The following ADRA1A variants were observed in gnomAD, a reference collection of about 807,000 sequenced individuals.
The protein encoded by ADRA1A is alpha-1A adrenergic receptor.
A neutral mutation model predicts 29.6 loss-of-function variants in ADRA1A; 31 were observed. The observed-to-expected ratio is 1.05, with a 90% CI of 0.79 to 1.41. The LOEUF (loss-of-function observed/expected upper bound fraction) is 1.41. Among genes scored for constraint, ADRA1A ranks in the 40% most tolerant of loss-of-function variants. The pLI, the probability that ADRA1A is intolerant of heterozygous loss-of-function variation, is 0.00. For synonymous variants in ADRA1A, 311 were observed against 254.3 expected (o/e 1.22, Z -2.12); for missense variants, 619 against 601.1 (o/e 1.03, Z -0.31).
At position 26,825,441 on chromosome 8, in the gene ADRA1A, T is replaced by C. The variant is rs574869459; in HGVS notation, c.883+38646A>G. Among the ~76,000 whole-genome samples, 23 of 152,312 alleles carry C rather than the reference T, an allele frequency of 1.5e-4. No homozygotes were observed. In the East Asian group the frequency reaches 4.4e-3, roughly 29 times the overall value. On this transcript the variant is annotated intron_variant, in intron 2 of 2. Coordinates refer to ENST00000380573, the MANE Select transcript of ADRA1A (RefSeq NM_000680.4). This position sits in a 1 kb window ranked among gnomAD's most constrained non-coding sequence, Gnocchi z 5.7. ...GTTTCTTTGTTTTCTAATTCCGCCCTACTTCGTTTCCTATAAGGGGACCAG... is the reference window on the plus strand; with the variant it reads ...GTTTCTTTGTTTTCTAATTCCGCCCCACTTCGTTTCCTATAAGGGGACCAG...
chr8:26,808,255 T>C (rs1167357027), intron 2 of ADRA1A, among the ~76,000 whole-genome samples: 2 of 152,234 alleles, frequency 1.3e-5, no homozygotes, highest in African/African-American at 4.8e-5. Flanking sequence ...TACATATTGC[T>C]TTTTCCACTT....
intron 2 of ADRA1A, among the ~76,000 whole-genome samples, chr8:26,818,714 A>G (rs1809940664): frequency 6.6e-6 from 1 of 152,184 alleles, no homozygotes; most frequent in Admixed American, 6.5e-5. Context: ...CAGAGCGTCA[A>G]CAGCAGACTT....
At chr8:26,801,292 G>A (rs1409850087) in intron 2 of ADRA1A, among the ~76,000 whole-genome samples, 3 of 152,060 alleles carry the variant, frequency 2.0e-5, no homozygotes, top group Non-Finnish European at 4.4e-5. Flanking sequence ...TCAGACAAGA[G>A]AAAGAAAGTA....
chr8:26,865,095 G>A lies in ADRA1A; in HGVS notation c.-126C>T. 1 of 1,497,210 alleles carries A rather than the reference G, an allele frequency of 6.7e-7. No homozygotes were observed. 92.7% of individuals were successfully genotyped at this position (1,497,210 alleles called of 1,614,324 possible). A position where few individuals can be genotyped will look rare whatever the true frequency, so the allele number is the denominator to read the frequency against. Reference sequence around the variant, plus strand: ...GGAGGGAGCCCTGCCAGGTGGGTTTGGCTGGGGGTGAGAGCGCGCGCGCGG... The same window carrying A: ...GGAGGGAGCCCTGCCAGGTGGGTTTAGCTGGGGGTGAGAGCGCGCGCGCGG... On this transcript the variant is annotated 5_prime_UTR_variant, in exon 2 of 3. An upstream open reading frame in the 5' UTR gains an earlier in-frame stop. Transcript: ENST00000380573. This position sits in a 1 kb window ranked among gnomAD's most constrained non-coding sequence, Gnocchi z 7.6.
intron 2 of ADRA1A, among the ~76,000 whole-genome samples, chr8:26,855,626 G>A (rs971762073): frequency 6.6e-6 from 1 of 152,164 alleles, no homozygotes; most frequent in African/African-American, 2.4e-5. Flanking sequence ...AATACCTAAT[G>A]CATGCCAGGC....
At chr8:26,857,602 G>A (rs185913391) in intron 2 of ADRA1A, among the ~76,000 whole-genome samples, 62 of 152,238 alleles carry the variant, frequency 4.1e-4, no homozygotes, top group Non-Finnish European at 6.0e-4. Flanking sequence ...GTTCGAGGCC[G>A]CAGTGAGCTA....
chr8:26,822,518 T>C (rs949150064), intron 2 of ADRA1A, among the ~76,000 whole-genome samples: 2 of 152,202 alleles, frequency 1.3e-5, no homozygotes, highest in African/African-American at 4.8e-5. Context: ...ATTTACATTC[T>C]TACAAAATGA....
intron 2 of ADRA1A, among the ~76,000 whole-genome samples, chr8:26,781,055 C>A (rs1806944837): frequency 6.6e-6 from 1 of 152,178 alleles, no homozygotes; most frequent in African/African-American, 2.4e-5. Context: ...ATCCTGAAAC[C>A]ATCCTCCCAT....
intron 2 of ADRA1A, among the ~76,000 whole-genome samples, chr8:26,811,204 T>C (rs1246491388): frequency 3.9e-5 from 6 of 152,008 alleles, no homozygotes; most frequent in Non-Finnish European, 5.9e-5. Context: ...TCTTTTTTTT[T>C]TTTGTTGAGA....
At chr8:26,784,808 G>A (rs1322037845) in intron 2 of ADRA1A, among the ~76,000 whole-genome samples, 3 of 152,158 alleles carry the variant, frequency 2.0e-5, no homozygotes, top group Non-Finnish European at 4.4e-5. Context: ...CCAACCAGGA[G>A]GCTAGCATAT....
chr8:26,794,684 C>A (rs1240551282), intron 2 of ADRA1A, among the ~76,000 whole-genome samples: 2 of 151,764 alleles, frequency 1.3e-5, no homozygotes, highest in Admixed American at 1.3e-4. Context: ...ATTCATGTGG[C>A]CATACCAAAA....
rs200485736 is a variant in ADRA1A at position 26,864,985 on chromosome 8, C to T, written c.-16G>A. The T allele has an allele frequency of 2.1e-4, 327 of 1,577,390 alleles. 4 individuals are homozygous for T. In the African/African-American group the frequency reaches 3.9e-3, roughly 19 times the overall value. ...GAAACACCATGGTCCCAGCCGGGGCCGGGCGAGGTCCGGCTGTCCAGGGCC... is the reference window on the plus strand; with the variant it reads ...GAAACACCATGGTCCCAGCCGGGGCTGGGCGAGGTCCGGCTGTCCAGGGCC... On this transcript the variant is annotated 5_prime_UTR_variant, in exon 2 of 3. Coordinates refer to ENST00000380573, the MANE Select transcript of ADRA1A (RefSeq NM_000680.4). This position sits in a 1 kb window ranked among gnomAD's most constrained non-coding sequence, Gnocchi z 8.1.
At chr8:26,846,121 A>G (rs1403315377) in intron 2 of ADRA1A, among the ~76,000 whole-genome samples, 2 of 152,212 alleles carry the variant, frequency 1.3e-5, no homozygotes, top group African/African-American at 4.8e-5. Context: ...GTAGACAAAT[A>G]TTGCCTCTTT....
At chr8:26,863,386 G>A (rs1309658988) in intron 2 of ADRA1A, among the ~76,000 whole-genome samples, 3 of 152,112 alleles carry the variant, frequency 2.0e-5, no homozygotes, top group African/African-American at 4.8e-5. Flanking sequence ...CAACTTCCCG[G>A]ATGATTTTGG....
intron 2 of ADRA1A, among the ~76,000 whole-genome samples, chr8:26,799,160 C>T (rs889042654): frequency 1.3e-5 from 2 of 151,660 alleles, no homozygotes; most frequent in Non-Finnish European, 2.9e-5. Context: ...ATATACTCTT[C>T]TGCTGTAAAA....
At chr8:26,812,597 A>C (rs1357726255) in intron 2 of ADRA1A, among the ~76,000 whole-genome samples, 1 of 151,572 alleles carries the variant, frequency 6.6e-6, no homozygotes, top group Non-Finnish European at 1.5e-5. Context: ...GCCAGTTCTT[A>C]ATACATCCAA....
At chr8:26,797,336 G>T (rs6995233) in intron 2 of ADRA1A, among the ~76,000 whole-genome samples, 1 of 151,642 alleles carries the variant, frequency 6.6e-6, no homozygotes. Flanking sequence ...TCGCTCTGTC[G>T]CCCAGGCTGG....
At chr8:26,792,887 AAAAT>A (rs1807934108) in intron 2 of ADRA1A, among the ~76,000 whole-genome samples, 1 of 151,500 alleles carries the variant, frequency 6.6e-6, no homozygotes, top group South Asian at 2.1e-4. Context: ...GTGAATTACA[AAAAT>A]AAATGTAAAT....
intron 2 of ADRA1A, among the ~76,000 whole-genome samples, chr8:26,776,173 T>G (rs1427838282): frequency 2.0e-5 from 3 of 152,204 alleles, no homozygotes; most frequent in African/African-American, 4.8e-5. Context: ...CGGTGAGTGC[T>G]ATGGTTAGCT....
Sources: gnomAD v4.1 joint callset for allele counts (sites outside exome capture counted in the v4.1 genomes callset) on GRCh38, gnomAD v4.1.1 for gene constraint, Gnocchi (gnomAD v3.1) non-coding constraint, MANE v1.5 for transcripts, NCBI Gene and HGNC (gene_info 2026-07-23, HGNC 2026-07-21) for gene names.